The following PTPN14 variants were observed in gnomAD, a reference collection of about 807,000 sequenced individuals.
PTPN14 encodes tyrosine-protein phosphatase non-receptor type 14.
PTPN14 carries 53 observed loss-of-function variants against 126.8 expected under a neutral mutation model. That is an observed-to-expected ratio of 0.42 (90% CI 0.34 to 0.53). PTPN14 has a LOEUF of 0.53. Among genes scored for constraint, PTPN14 ranks in the 20% least tolerant of loss-of-function variants. PTPN14 has a pLI of 0.08. For missense variants in PTPN14, 1,257 were observed against 1,552.9 expected (o/e 0.81, Z 3.20); for synonymous variants, 630 against 599.3 (o/e 1.05, Z -0.75).
intron 1 of PTPN14, among the ~76,000 whole-genome samples, chr1:214,504,957 G>A (rs1654797666): frequency 1.3e-5 from 2 of 152,122 alleles, no homozygotes; most frequent in African/African-American, 4.8e-5. Flanking sequence ...CTTCATCAGA[G>A]GTGACACCCT....
intron 10 of PTPN14, 103 bp downstream of exon 10, chr1:214,393,592 A>C: frequency 1.0e-6 from 1 of 952,710 alleles, no homozygotes; most frequent in Non-Finnish European, 1.6e-6. Flanking sequence ...TACAAGGAAC[A>C]AGGAAAAAGA....
chr1:214,458,499 C>G (rs1454115244), intron 2 of PTPN14, among the ~76,000 whole-genome samples: 2 of 152,186 alleles, frequency 1.3e-5, no homozygotes, highest in Non-Finnish European at 1.5e-5. Flanking sequence ...CTATGCCAGG[C>G]ACTGTGAGAC....
intron 1 of PTPN14, among the ~76,000 whole-genome samples, chr1:214,473,686 T>C (rs1295979683): frequency 6.6e-6 from 1 of 152,140 alleles, no homozygotes; most frequent in Non-Finnish European, 1.5e-5. Flanking sequence ...GTTTTGATAG[T>C]ACTAGGTCAT....
At chr1:214,519,168 C>G (rs577554425) in intron 1 of PTPN14, among the ~76,000 whole-genome samples, 1 of 152,222 alleles carries the variant, frequency 6.6e-6, no homozygotes, top group East Asian at 1.9e-4. Context: ...ACTTGGGAGG[C>G]TGAGGGAGGA....
rs531757176 is a variant in PTPN14, at chr1:214,356,715, G to C, written c.*1207C>G. On this transcript the variant is annotated 3_prime_UTR_variant, in exon 19 of 19. Coordinates refer to ENST00000366956, the MANE Select transcript of PTPN14 (RefSeq NM_005401.5). Reference sequence around the variant, plus strand: ...CCCCAAGTTTGGACTATGGGGTCCCGAGTGGGATTAATTCTGATCTTGCAG... The same window carrying C: ...CCCCAAGTTTGGACTATGGGGTCCCCAGTGGGATTAATTCTGATCTTGCAG... The C allele has an allele frequency of 6.6e-6, 1 of 152,182 alleles. No homozygotes were observed. Among genetic ancestry groups the C allele is most frequent in the Non-Finnish European group, 1.5e-5 (1 of 68,052 alleles). 9.4% of individuals were successfully genotyped at this position (152,182 alleles called of 1,614,324 possible). A position where few individuals can be genotyped will look rare whatever the true frequency, so the allele number is the denominator to read the frequency against.
chr1:214,457,608 G>A (rs1660411995), intron 2 of PTPN14, among the ~76,000 whole-genome samples: 1 of 152,074 alleles, frequency 6.6e-6, no homozygotes, highest in Non-Finnish European at 1.5e-5. Context: ...TGCCCCCTTT[G>A]CGTTTCTTAG....
intron 1 of PTPN14, among the ~76,000 whole-genome samples, chr1:214,473,278 C>T (rs1056609259): frequency 6.6e-5 from 10 of 152,192 alleles, no homozygotes; most frequent in African/African-American, 1.9e-4. Flanking sequence ...TCACAAATAT[C>T]AACCAAATGC....
In PTPN14 at chr1:214,357,878, C is replaced by G; in HGVS notation, c.*44G>C. On this transcript the variant is annotated 3_prime_UTR_variant, in exon 19 of 19. Coordinates refer to ENST00000366956, the MANE Select transcript of PTPN14 (RefSeq NM_005401.5). ...TTGTCTGGAGGTGACTCTCCTCCAGCGCGATGGAGCTGGGTCCCTCCTCCA... is the reference window on the plus strand; with the variant it reads ...TTGTCTGGAGGTGACTCTCCTCCAGGGCGATGGAGCTGGGTCCCTCCTCCA... The G allele has an allele frequency of 6.3e-7, 1 of 1,585,476 alleles. No homozygotes were observed. Among genetic ancestry groups the G allele is most frequent in the South Asian group, 1.1e-5 (1 of 89,336 alleles).
intron 1 of PTPN14, among the ~76,000 whole-genome samples, chr1:214,473,472 G>T (rs1443214081): frequency 4.6e-5 from 7 of 152,110 alleles, no homozygotes; most frequent in African/African-American, 1.7e-4. Flanking sequence ...TTAAAGATAA[G>T]TTCTGAAATC....
chr1:214,393,638 G>T, intron 10 of PTPN14, 57 bp downstream of exon 10: 2 of 1,330,698 alleles, frequency 1.5e-6, no homozygotes, highest in South Asian at 1.2e-5. Flanking sequence ...ACCCCAAAAG[G>T]ACATTAATTT....
At chr1:214,385,999 C>T (rs999254231) in intron 12 of PTPN14, among the ~76,000 whole-genome samples, 6 of 152,290 alleles carry the variant, frequency 3.9e-5, no homozygotes, top group African/African-American at 7.2e-5. Context: ...GAGTTGATAA[C>T]GTAGAAACTA....
chr1:214,407,495 C>CA lies in PTPN14; in HGVS notation c.510+4188dup, dbSNP rs200725524. Among the ~76,000 whole-genome samples the CA allele has an allele frequency of 7.8e-3, 849 of 108,782 alleles. 8 individuals carry two copies. Among genetic ancestry groups the CA allele is most frequent in the African/African-American group, 0.017 (490 of 29,444 alleles). 71.4% of individuals were successfully genotyped at this position (108,782 alleles called of 152,430 possible). Reference sequence around the variant, plus strand: ...TGGCAACAAGAGTGAAACTCTGTCTCAAAAAAAAAAAAAAAGAATGAATGG... The same window carrying CA: ...TGGCAACAAGAGTGAAACTCTGTCTCAAAAAAAAAAAAAAAAGAATGAATGG... On this transcript the variant is annotated intron_variant, in intron 5 of 18. Transcript: ENST00000366956.
intron 1 of PTPN14, among the ~76,000 whole-genome samples, chr1:214,511,051 TG>T (rs899543686): frequency 2.2e-5 from 3 of 136,474 alleles, no homozygotes; most frequent in African/African-American, 9.2e-5. Flanking sequence ...ACTAAGTCTT[TG>T]GTTTTTTTTT....
chr1:214,517,254 TAAAC>T (rs1320327817), intron 1 of PTPN14, among the ~76,000 whole-genome samples: 1 of 152,256 alleles, frequency 6.6e-6, no homozygotes, highest in African/African-American at 2.4e-5. Context: ...AATTTCCACA[TAAAC>T]AAACTTTATG....
chr1:214,354,389 GTTTAACA>G lies in PTPN14; in HGVS notation c.*3526_*3532del, dbSNP rs1657768968. On this transcript the variant is annotated 3_prime_UTR_variant, in exon 19 of 19. Transcript: ENST00000366956. The stretch of plus-strand genomic sequence containing the variant: ...TCATCTTTACTCCTATGTAATCAAT[GTTTAACA>G]TCCTTTTTTCATGCAACTAAATCCT... 6.6e-6 allele frequency: 1 copy of G among 152,140 alleles called. No individual in the cohort carries two copies. The highest frequency in any genetic ancestry group is 2.4e-5 in the African/African-American group (1 of 41,412). The allele number at this position is 152,140 out of a possible 1,614,324, so 9.4% of individuals were successfully genotyped here. A position where few individuals can be genotyped will look rare whatever the true frequency, so the allele number is the denominator to read the frequency against.
rs1305075417 is a variant in PTPN14, at chr1:214,383,549, G to T, written c.2306C>A (p.Ala769Asp). The change falls in exon 13 of 19, where the codon GCC (alanine) becomes GAC (aspartate). Residue 769 changes from alanine to aspartate, a missense_variant. By Grantham distance (126) the Ala-to-Asp change is moderately radical. Around this residue, in one of 3 missense-constraint regions of PTPN14, gnomAD observed 1,021 missense variants for 1,183.3 expected, o/e 0.86. Transcript: ENST00000366956. This position sits in a 1 kb window ranked among gnomAD's most constrained non-coding sequence, Gnocchi z 4.4. ...TCTGGCCATGGCGGGAGGAAGGCTG[G>T]CTTGGTCCTGCCTCAGAGCCCCATT... ...VSNGALRQDQ[A>D]SLPPAMARAR... is the part of the protein sequence containing the mutation. 5.0e-6 allele frequency: 8 copies of T among 1,613,860 alleles called. No homozygotes were observed. The highest frequency in any genetic ancestry group is 6.8e-6 in the Non-Finnish European group (8 of 1,179,938).
intron 1 of PTPN14, among the ~76,000 whole-genome samples, chr1:214,520,021 C>A (rs1403956983): frequency 7.8e-6 from 1 of 128,782 alleles, no homozygotes; most frequent in Non-Finnish European, 1.6e-5. Flanking sequence ...GCACTCCAGC[C>A]TGAGTGACAG....
At chr1:214,467,773 T>A in intron 1 of PTPN14, among the ~76,000 whole-genome samples, 1 of 152,242 alleles carries the variant, frequency 6.6e-6, no homozygotes, top group Non-Finnish European at 1.5e-5. Flanking sequence ...TTTATATTCA[T>A]GGCTAGCAGA....
chr1:214,438,375 T>C (rs1406159517), intron 3 of PTPN14, among the ~76,000 whole-genome samples: 1 of 152,146 alleles, frequency 6.6e-6, no homozygotes, highest in Non-Finnish European at 1.5e-5. Context: ...TGCTCCCTCA[T>C]ATGGGACTGG....
Sources: allele counts gnomAD v4.1 joint callset (sites outside exome capture counted in the v4.1 genomes callset), GRCh38; gene constraint gnomAD v4.1.1; regional missense constraint gnomAD v4.1.1; non-coding constraint Gnocchi (gnomAD v3.1); transcripts MANE v1.5; gene names NCBI Gene and HGNC (gene_info 2026-07-23, HGNC 2026-07-21).